Variants in NCOA3 observed in about 807,000 individuals in gnomAD.
NCOA3 encodes CBP-interacting protein.
In NCOA3, 51 loss-of-function variants were observed where a neutral mutation model predicts 158.8. That is an observed-to-expected ratio of 0.32 (90% CI 0.26 to 0.41). NCOA3 has a LOEUF of 0.41. Among genes scored for constraint, NCOA3 ranks in the 10% least tolerant of loss-of-function variants. NCOA3 has a pLI of 1.00. For missense variants in NCOA3, 1,510 were observed against 1,746.6 expected, an observed-to-expected ratio of 0.86 and a Z score of 2.41; for synonymous variants, 537 against 592.4, an observed-to-expected ratio of 0.91 and a Z score of 1.36.
intron 1 of NCOA3, among the ~76,000 whole-genome samples, chr20:47,531,636 A>T (rs751683038): frequency 6.6e-5 from 10 of 152,124 alleles, no homozygotes; most frequent in Non-Finnish European, 1.5e-4. Flanking sequence ...TCCCTTGTAC[A>T]GTCTCATCCT....
Position 47,636,595 on chromosome 20 carries a change from C to A in NCOA3, c.2209C>A (p.Leu737Ile). The change falls in exon 12 of 23, where the codon CTT becomes ATT. Residue 737 changes from leucine to isoleucine, a missense_variant. Transcript: ENST00000371998. ...LSPKKKENNA[L>I]LRYLLDRDDP... is the part of the protein sequence containing the mutation. ...TCCTAAGAAGAAGGAGAATAATGCA[C>A]TTCTTAGATACCTGCTGGACAGGGA... The A allele has an allele frequency of 6.2e-7, 1 of 1,614,160 alleles. No homozygotes were observed. Among genetic ancestry groups the A allele is most frequent in the Non-Finnish European group, 8.5e-7 (1 of 1,180,020 alleles).
chr20:47,632,768 C>T (rs866459282), intron 8 of NCOA3, among the ~76,000 whole-genome samples: 3 of 150,770 alleles, frequency 2.0e-5, no homozygotes, highest in Non-Finnish European at 3.0e-5. Flanking sequence ...CTGCAACCTC[C>T]GCCTGCCAGG....
chr20:47,628,317 T>A, intron 8 of NCOA3: 1 of 275,696 alleles, frequency 3.6e-6, no homozygotes, highest in East Asian at 6.6e-5. Flanking sequence ...GCGTCAGAAT[T>A]TAGTATTTCT....
At chr20:47,602,168 T>C (rs1602468897) in intron 2 of NCOA3, among the ~76,000 whole-genome samples, 1 of 152,370 alleles carries the variant, frequency 6.6e-6, no homozygotes, top group Non-Finnish European at 1.5e-5. Context: ...TTACAAATAA[T>C]GTAACACATT....
rs1602558638 is a variant in NCOA3, at chr20:47,655,790, T to G, written c.*2373T>G. The G allele has an allele frequency of 6.5e-6, 1 of 152,674 alleles. No homozygotes were observed. Among genetic ancestry groups the G allele is most frequent in the South Asian group, 2.1e-4 (1 of 4,822 alleles). The allele number at this position is 152,674 out of a possible 1,614,324, so 9.5% of individuals were successfully genotyped here. ...ATTAAAAACAAAAAAAAAATAAATT[T>G]TTTTGCAATCCTTTCCTCAGACCTG... On this transcript the variant is annotated 3_prime_UTR_variant, in exon 23 of 23. Coordinates refer to ENST00000371998, the MANE Select transcript of NCOA3 (RefSeq NM_181659.3).
At chr20:47,531,142 C>G (rs1338759869) in intron 1 of NCOA3, among the ~76,000 whole-genome samples, 3 of 152,102 alleles carry the variant, frequency 2.0e-5, no homozygotes, top group Admixed American at 2.0e-4. Flanking sequence ...AGTTCAAGAT[C>G]AGCCTGGCCA....
At chr20:47,601,973 A>G (rs1204880340) in intron 2 of NCOA3, among the ~76,000 whole-genome samples, 1 of 152,238 alleles carries the variant, frequency 6.6e-6, no homozygotes, top group African/African-American at 2.4e-5. Context: ...TGCTCAACAT[A>G]TGTTCCTAAG....
chr20:47,521,999 A>G (rs1222997077), intron 1 of NCOA3, among the ~76,000 whole-genome samples: 1 of 148,362 alleles, frequency 6.7e-6, no homozygotes, highest in Non-Finnish European at 1.5e-5. Flanking sequence ...TCTTAACAGT[A>G]TTGTGCCTTT....
intron 1 of NCOA3, among the ~76,000 whole-genome samples, chr20:47,571,792 A>G (rs1227481635): frequency 2.0e-5 from 3 of 151,894 alleles, no homozygotes; most frequent in Admixed American, 6.6e-5. Flanking sequence ...CTGTGGTGCA[A>G]TCTCAGCTTA....
At chr20:47,632,281 G>A (rs1335711088) in intron 8 of NCOA3, among the ~76,000 whole-genome samples, 2 of 152,156 alleles carry the variant, frequency 1.3e-5, no homozygotes, top group Non-Finnish European at 2.9e-5. Context: ...AGGGGGTGGG[G>A]ATGAGGTTTG....
At chr20:47,539,820 C>T (rs575520437) in intron 1 of NCOA3, among the ~76,000 whole-genome samples, 20 of 152,296 alleles carry the variant, frequency 1.3e-4, no homozygotes, top group Admixed American at 4.6e-4. Context: ...CCACCGCACC[C>T]GGCCTATTTT....
At chr20:47,522,129 G>C in intron 1 of NCOA3, among the ~76,000 whole-genome samples, 1 of 116,492 alleles carries the variant, frequency 8.6e-6, no homozygotes, top group East Asian at 2.1e-4. Flanking sequence ...TTTTGAGACG[G>C]AGTCTTGCTG....
At chr20:47,623,793 GA>G (rs11299165) in intron 3 of NCOA3, 117 bp from the exon 4 acceptor site, 182,645 of 770,830 alleles carry the variant, frequency 0.24, 2,791 homozygotes, top group African/African-American at 0.33. Flanking sequence ...CTGTCTCGAG[GA>G]AAAAAAAAAA....
intron 16 of NCOA3, among the ~76,000 whole-genome samples, chr20:47,640,931 CTTAGT>C (rs1231956554): frequency 6.6e-6 from 1 of 151,776 alleles, no homozygotes; most frequent in African/African-American, 2.4e-5. Flanking sequence ...TTTTATTTAG[CTTAGT>C]AATTTACTTG....
At chr20:47,552,548 A>G (rs2084940659) in intron 1 of NCOA3, among the ~76,000 whole-genome samples, 1 of 152,144 alleles carries the variant, frequency 6.6e-6, no homozygotes, top group Admixed American at 6.6e-5. Context: ...TCCCCAAACC[A>G]GATTGCAGGT....
At chr20:47,624,206 T>A (rs1247174804) in intron 4 of NCOA3, 123 bp downstream of exon 4, 1 of 732,806 alleles carries the variant, frequency 1.4e-6, no homozygotes, top group Admixed American at 2.8e-5. Flanking sequence ...TCAGGATGAT[T>A]CAAGCACATT....
chr20:47,552,210 T>A (rs1406364459), intron 1 of NCOA3, among the ~76,000 whole-genome samples: 1 of 152,228 alleles, frequency 6.6e-6, no homozygotes, highest in East Asian at 1.9e-4. Flanking sequence ...AAACAGCATT[T>A]TGTGTTAGTA....
chr20:47,521,317 A>G (rs1437513935), intron 1 of NCOA3, among the ~76,000 whole-genome samples: 1 of 152,208 alleles, frequency 6.6e-6, no homozygotes, highest in Non-Finnish European at 1.5e-5. Flanking sequence ...TCGGTGCCAC[A>G]AAAGAAATAG....
At chr20:47,523,655 T>C (rs540965977) in intron 1 of NCOA3, among the ~76,000 whole-genome samples, 7 of 152,326 alleles carry the variant, frequency 4.6e-5, no homozygotes, top group African/African-American at 1.7e-4. Flanking sequence ...CCTGTAGATT[T>C]TCCTCTACTT....
Sources: gnomAD v4.1 joint callset for allele counts (sites outside exome capture counted in the v4.1 genomes callset) on GRCh38, gnomAD v4.1.1 for gene constraint, MANE v1.5 for transcripts, NCBI Gene and HGNC (gene_info 2026-07-23, HGNC 2026-07-21) for gene names.